TTC39A: variants seen among roughly 807,000 people sequenced by gnomAD.
The protein encoded by TTC39A is tetratricopeptide repeat domain 39A, also known as tetratricopeptide repeat protein 39A.
Under a neutral mutation model 82.3 loss-of-function variants are expected in TTC39A, and 46 were observed. The observed-to-expected ratio is 0.56, with a 90% confidence interval of 0.44 to 0.71. TTC39A has a LOEUF of 0.71. TTC39A is among the 30% of genes least tolerant of loss of function. The probability of loss-of-function intolerance (pLI) is 0.00; values close to 1 mark genes in which losing one functional copy is unlikely to be tolerated. For missense variants in TTC39A, 543 were observed against 712.9 expected, an observed-to-expected ratio of 0.76 and a Z score of 2.71; for synonymous variants, 254 against 275.2, an observed-to-expected ratio of 0.92 and a Z score of 0.76.
intron 5 of TTC39A, 21 bp downstream of exon 5, chr1:51,311,233 T>C (rs1645071221): frequency 1.3e-6 from 2 of 1,564,028 alleles, no homozygotes; most frequent in Non-Finnish European, 1.7e-6. Flanking sequence ...CCAGCCTCTT[T>C]GTACAAGTGG....
chr1:51,335,158 C>T (rs564911969), upstream of TTC39A: 1 of 152,454 alleles, frequency 6.6e-6, no homozygotes, highest in East Asian at 1.9e-4. Flanking sequence ...CATTTCCTCC[C>T]CAGCGTGCAA....
intron 11 of TTC39A, 102 bp downstream of exon 11, chr1:51,302,255 C>CCCCCCCT: frequency 1.7e-6 from 1 of 604,136 alleles, no homozygotes. Context: ...CCCCCCGCCC[C>CCCCCCCT]CAGTCTATCC....
At chr1:51,309,380 A>G in intron 5 of TTC39A, 55 bp from the exon 6 acceptor site, 1 of 1,611,864 alleles carries the variant, frequency 6.2e-7, no homozygotes, top group Non-Finnish European at 8.5e-7. Flanking sequence ...TGCAGGCGTG[A>G]GAGGGATCAT....
upstream of TTC39A, chr1:51,331,124 G>A (rs1336040868): frequency 2.9e-6 from 4 of 1,360,898 alleles, no homozygotes; most frequent in Admixed American, 5.9e-5. Context: ...TGAGGCATGG[G>A]GTTCATTTGA....
intron 5 of TTC39A, chr1:51,309,565 C>G: frequency 1.2e-6 from 1 of 841,850 alleles, no homozygotes. Context: ...CCTGGAGGGG[C>G]CACGCCCAGT....
chr1:51,324,925 C>T (rs368780068), intron 1 of TTC39A, among the ~76,000 whole-genome samples: 267 of 152,272 alleles, frequency 1.8e-3, no homozygotes, highest in Middle Eastern at 3.4e-3. Context: ...TTTCCCCTAA[C>T]CTGTCTCTCC....
At chr1:51,339,198 A>G (rs1646007201) in intron 1 of TTC39A, among the ~76,000 whole-genome samples, 1 of 152,148 alleles carries the variant, frequency 6.6e-6, no homozygotes, top group Admixed American at 6.5e-5. Flanking sequence ...TTTCACTCCC[A>G]TGGGAAGAAA....
upstream of TTC39A, among the ~76,000 whole-genome samples, chr1:51,334,063 A>C (rs1645944082): frequency 6.6e-6 from 1 of 152,122 alleles, no homozygotes; most frequent in South Asian, 2.1e-4. Context: ...CCGAGTATTA[A>C]GAATTCATAT....
At chr1:51,326,751 A>C (rs1645726444) in intron 1 of TTC39A, among the ~76,000 whole-genome samples, 1 of 152,190 alleles carries the variant, frequency 6.6e-6, no homozygotes, top group Middle Eastern at 3.2e-3. Flanking sequence ...CACCTGGCTG[A>C]GACTGAGGCC....
Position 51,330,052 on chromosome 1 carries a change from G to A in TTC39A, c.41+385C>T, listed in dbSNP as rs1308516401. 3.6e-6 allele frequency: 3 copies of A among 825,234 alleles called. No homozygotes were observed. The highest frequency in any genetic ancestry group is 4.4e-6 in the Non-Finnish European group (3 of 683,738). 51.1% of individuals were successfully genotyped at this position (825,234 alleles called of 1,614,324 possible). ...CGCAACTCTTACCTCCTGGGTGACC[G>A]ATGACAAGTCACTTAAGTGCTGTGT... On this transcript the variant is annotated intron_variant, in intron 1 of 17. Coordinates refer to ENST00000680483, the MANE Select transcript of TTC39A (RefSeq NM_001297663.2). This position sits in a 1 kb window ranked among gnomAD's most constrained non-coding sequence, Gnocchi z 4.5.
chr1:51,330,124 C>T lies in TTC39A; in HGVS notation c.41+313G>A. ...GGGGATGAGAGTAACAGGGCCCACC[C>T]CACAGGAGTGAACGCCACGAGGCAG... On this transcript the variant is annotated intron_variant, in intron 1 of 17. Coordinates refer to ENST00000680483, the MANE Select transcript of TTC39A (RefSeq NM_001297663.2). The surrounding 1 kb of genome is among the most constrained non-coding windows in gnomAD (Gnocchi z 4.5). The T allele has an allele frequency of 1.0e-6, 1 of 985,400 alleles. No homozygotes were observed. Among genetic ancestry groups the T allele is most frequent in the Non-Finnish European group, 1.2e-6 (1 of 829,898 alleles). The allele number at this position is 985,400 out of a possible 1,614,324, so 61.0% of individuals were successfully genotyped here.
At chr1:51,342,703 G>T (rs1646051777) in intron 1 of TTC39A, among the ~76,000 whole-genome samples, 1 of 152,200 alleles carries the variant, frequency 6.6e-6, no homozygotes, top group South Asian at 2.1e-4. Flanking sequence ...TGGGAGTAAA[G>T]AATTCTCTGG....
At chr1:51,316,832 A>AT (rs931336864) in intron 2 of TTC39A, among the ~76,000 whole-genome samples, 1 of 152,170 alleles carries the variant, frequency 6.6e-6, no homozygotes, top group African/African-American at 2.4e-5. Context: ...GGGGAGGCAG[A>AT]TGTGAGGCCC....
intron 12 of TTC39A, chr1:51,299,129 A>C (rs60066123): frequency 6.6e-6 from 1 of 152,234 alleles, no homozygotes; most frequent in Non-Finnish European, 1.5e-5. Flanking sequence ...ATTGATCTAG[A>C]TAAGTTGGTT....
chr1:51,312,743 C>A, intron 3 of TTC39A, 69 bp downstream of exon 3: 1 of 1,576,370 alleles, frequency 6.3e-7, no homozygotes, highest in Middle Eastern at 2.1e-4. Flanking sequence ...ATGTTAGGCC[C>A]TGGAATGGGC....
At chr1:51,313,067 C>T (rs764133245) in intron 2 of TTC39A, 124 bp from the exon 3 acceptor site, 50 of 1,333,188 alleles carry the variant, frequency 3.8e-5, no homozygotes, top group South Asian at 7.3e-5. Context: ...GGTCCAGGCA[C>T]GGGGAGGGCC....
rs1569907454 is a variant in TTC39A at position 51,313,134 on chromosome 1, C to T, written c.147-191G>A. Among the ~76,000 whole-genome samples the T allele has an allele frequency of 1.3e-5, 2 of 152,208 alleles. 1 individual carries two copies. The highest frequency in any genetic ancestry group is 3.8e-4 in the East Asian group (2 of 5,202). ...AAAAGACCTCGGATTCTGTTTCCAG[C>T]TTGCCTTCTTCCTGCTGAGTGGCCC... is the stretch of plus-strand genomic sequence containing the variant. On this transcript the variant is annotated intron_variant, in intron 2 of 17. Coordinates refer to ENST00000680483, the MANE Select transcript of TTC39A (RefSeq NM_001297663.2).
intron 1 of TTC39A, chr1:51,342,909 C>A (rs1006372762): frequency 5.2e-6 from 2 of 388,260 alleles, no homozygotes; most frequent in African/African-American, 2.1e-5. Flanking sequence ...CCATTCCCTC[C>A]ATTCTCCTAA....
chr1:51,290,618 A>G lies in TTC39A; in HGVS notation c.1274T>C (p.Met425Thr). 1 of 1,612,954 alleles carries G rather than the reference A, an allele frequency of 6.2e-7. No individual in the cohort carries two copies. Among genetic ancestry groups the G allele is most frequent in the Non-Finnish European group, 8.5e-7 (1 of 1,179,454 alleles). ...CACGGCGTAGCCGTTCCAGATGTACATCATTTCCTGAAGGCAGGGGGGCAA... is the reference window on the plus strand; with the variant it reads ...CACGGCGTAGCCGTTCCAGATGTACGTCATTTCCTGAAGGCAGGGGGGCAA... The part of the protein sequence containing the change: ...ISLPVPALEM[M>T]YIWNGYAVIG... The change falls in exon 15 of 18, where the codon ATG becomes ACG. Residue 425 changes from methionine to threonine, a missense_variant. By Grantham distance (81) the Met-to-Thr change is moderately conservative. Coordinates refer to ENST00000680483, the MANE Select transcript of TTC39A (RefSeq NM_001297663.2).
Sources: allele counts gnomAD v4.1 joint callset (sites outside exome capture counted in the v4.1 genomes callset), GRCh38; gene constraint gnomAD v4.1.1; non-coding constraint Gnocchi (gnomAD v3.1); transcripts MANE v1.5; gene names NCBI Gene and HGNC (gene_info 2026-07-23, HGNC 2026-07-21).